The following EPHA6 variants were observed in gnomAD, a reference collection of about 807,000 sequenced individuals.
The protein encoded by EPHA6 is ephrin type-A receptor 6.
A neutral mutation model predicts 112.0 loss-of-function variants in EPHA6; 50 were observed. The ratio of observed to expected loss-of-function variants is 0.45; its 90% CI spans 0.36 to 0.56. The LOEUF (loss-of-function observed/expected upper bound fraction) is 0.56, where lower values mean the gene tolerates loss of function less well. EPHA6 is among the 20% of genes least tolerant of loss of function. The pLI is 0.00. For synonymous variants in EPHA6, 529 were observed against 490.7 expected (o/e 1.08, Z -1.03); for missense variants, 1,280 against 1,417.4 (o/e 0.90, Z 1.56).
chr3:97,410,576 C>G (rs768051867), intron 6 of EPHA6, among the ~76,000 whole-genome samples: 9 of 152,020 alleles, frequency 5.9e-5, no homozygotes, highest in Non-Finnish European at 1.3e-4. Flanking sequence ...TGTAAACTAT[C>G]ATACAAAGTT....
intron 5 of EPHA6, among the ~76,000 whole-genome samples, chr3:97,306,519 T>G (rs1304618707): frequency 6.6e-6 from 1 of 151,660 alleles, no homozygotes; most frequent in East Asian, 1.9e-4. Flanking sequence ...TGTTCTGATT[T>G]CCTTCCCCTT....
chr3:97,407,538 A>T (rs1043751654), intron 6 of EPHA6, among the ~76,000 whole-genome samples: 2 of 151,888 alleles, frequency 1.3e-5, no homozygotes. Flanking sequence ...GAAAGAAAAC[A>T]TATTGCTTTA....
At chr3:97,575,514 G>A (rs2093374237) in intron 11 of EPHA6, among the ~76,000 whole-genome samples, 1 of 152,010 alleles carries the variant, frequency 6.6e-6, no homozygotes, top group Admixed American at 6.6e-5. Flanking sequence ...ACCATTCCTG[G>A]CATAAAAAAA....
chr3:97,349,854 C>T (rs141692460), intron 5 of EPHA6, among the ~76,000 whole-genome samples: 15 of 151,838 alleles, frequency 9.9e-5, no homozygotes, highest in South Asian at 2.1e-4. Context: ...ATGTTCCAGA[C>T]GTGATAAAAA....
intron 5 of EPHA6, among the ~76,000 whole-genome samples, chr3:97,398,296 T>C (rs1378652953): frequency 6.6e-6 from 1 of 151,514 alleles, no homozygotes; most frequent in East Asian, 1.9e-4. Context: ...TCAAAAATTG[T>C]AATGAATTGA....
At chr3:97,321,939 A>G (rs1260699215) in intron 5 of EPHA6, among the ~76,000 whole-genome samples, 1 of 152,024 alleles carries the variant, frequency 6.6e-6, no homozygotes, top group Non-Finnish European at 1.5e-5. Context: ...ACAACAGCAA[A>G]CTTTAAGTGC....
chr3:97,562,847 T>C (rs1195712006), intron 11 of EPHA6, among the ~76,000 whole-genome samples: 1 of 152,134 alleles, frequency 6.6e-6, no homozygotes, highest in Non-Finnish European at 1.5e-5. Context: ...TCAGCAGCCA[T>C]CAACATCAAG....
At chr3:97,468,126 T>A (rs1268806183) in intron 7 of EPHA6, among the ~76,000 whole-genome samples, 6 of 147,550 alleles carry the variant, frequency 4.1e-5, no homozygotes, top group Admixed American at 4.0e-4. Flanking sequence ...GGCACAGCTA[T>A]GAAATCACTT....
chr3:97,048,404 T>C (rs1420039471), intron 3 of EPHA6, among the ~76,000 whole-genome samples: 1 of 152,158 alleles, frequency 6.6e-6, no homozygotes, highest in Admixed American at 6.6e-5. Flanking sequence ...ATGGCTTAAA[T>C]GTGACATCTA....
Position 97,411,705 on chromosome 3 carries a change from A to T in EPHA6, c.1731+6431A>T, listed in dbSNP as rs183092117. The stretch of plus-strand genomic sequence containing the variant: ...GTCCTTATAAAAACGAATTAAGAAG[A>T]GACAAGCCTACAAATTTACTTAATG... On this transcript the variant is annotated intron_variant, in intron 6 of 17. Transcript: ENST00000389672. Among the ~76,000 whole-genome samples, 486 of 152,180 alleles carry T rather than the reference A, an allele frequency of 3.2e-3. 2 individuals are homozygous for T. The highest frequency in any genetic ancestry group is 0.011 in the African/African-American group (456 of 41,542).
At chr3:97,215,798 A>G (rs573101699) in intron 3 of EPHA6, among the ~76,000 whole-genome samples, 61 of 152,318 alleles carry the variant, frequency 4.0e-4, no homozygotes, top group African/African-American at 1.3e-3. Flanking sequence ...TTCAAAACAT[A>G]TTTCAGAAAT....
In EPHA6 at chr3:96,881,448, A is replaced by C. The variant is rs150690162; in HGVS notation, c.450+14559A>C. Reference sequence around the variant, plus strand: ...AAAACTATCAGGTCTCCTGAGACTTATTCACTACCATGAGAACCGTATGGG... The same window carrying C: ...AAAACTATCAGGTCTCCTGAGACTTCTTCACTACCATGAGAACCGTATGGG... On this transcript the variant is annotated intron_variant, in intron 2 of 17. Coordinates refer to ENST00000389672, the MANE Select transcript of EPHA6 (RefSeq NM_001080448.3). Among the ~76,000 whole-genome samples, 603 of 152,284 alleles carry C rather than the reference A, an allele frequency of 4.0e-3. 6 individuals carry two copies. The highest frequency in any genetic ancestry group is 0.013 in the African/African-American group (559 of 41,568).
intron 6 of EPHA6, among the ~76,000 whole-genome samples, chr3:97,418,469 A>G (rs1017899090): frequency 2.0e-5 from 3 of 152,174 alleles, no homozygotes; most frequent in African/African-American, 7.2e-5. Flanking sequence ...GGCATATAGA[A>G]GAAATCACTG....
At chr3:97,321,308 TG>T (rs2082109170) in intron 5 of EPHA6, among the ~76,000 whole-genome samples, 1 of 151,956 alleles carries the variant, frequency 6.6e-6, no homozygotes. Flanking sequence ...ATTCTTTAAC[TG>T]GGCTGTAAAA....
chr3:97,060,251 T>C (rs1553696797), intron 3 of EPHA6, among the ~76,000 whole-genome samples: 1 of 152,208 alleles, frequency 6.6e-6, no homozygotes, highest in Non-Finnish European at 1.5e-5. Flanking sequence ...GCTCTTACCA[T>C]ACACAAGAAA....
At chr3:97,314,653 T>A (rs2081725310) in intron 5 of EPHA6, among the ~76,000 whole-genome samples, 1 of 151,744 alleles carries the variant, frequency 6.6e-6, no homozygotes, top group African/African-American at 2.4e-5. Context: ...AGAGAATAAA[T>A]TCTAAAATGT....
chr3:96,994,910 A>G (rs1263383976), intron 3 of EPHA6, among the ~76,000 whole-genome samples: 1 of 151,710 alleles, frequency 6.6e-6, no homozygotes, highest in African/African-American at 2.4e-5. Context: ...ACTAAATACT[A>G]TTTGTCTATG....
chr3:97,668,830 T>C (rs1290618571), intron 14 of EPHA6, among the ~76,000 whole-genome samples: 2 of 139,786 alleles, frequency 1.4e-5, no homozygotes, highest in Non-Finnish European at 3.0e-5. Context: ...GGAGAGTCGC[T>C]TGAACCTGGG....
intron 3 of EPHA6, among the ~76,000 whole-genome samples, chr3:97,125,713 A>T (rs2048165198): frequency 6.6e-6 from 1 of 152,222 alleles, no homozygotes; most frequent in South Asian, 2.1e-4. Context: ...ATTTAAATAA[A>T]ATAAATATTT....
Sources: gnomAD v4.1 joint callset for allele counts (sites outside exome capture counted in the v4.1 genomes callset) on GRCh38, gnomAD v4.1.1 for gene constraint, MANE v1.5 for transcripts, NCBI Gene and HGNC (gene_info 2026-07-23, HGNC 2026-07-21) for gene names.